ITGA9: variants seen among roughly 807,000 people sequenced by gnomAD.
ITGA9 encodes integrin subunit alpha 9, also known as integrin alpha-9.
A neutral mutation model predicts 127.8 loss-of-function variants in ITGA9; 56 were observed. The observed-to-expected ratio is 0.44, with a 90% CI of 0.35 to 0.55. The LOEUF is 0.55. ITGA9 is among the 20% of genes least tolerant of loss of function. ITGA9 has a pLI of 0.00. For missense variants in ITGA9, 1,196 were observed against 1,347.1 expected, an observed-to-expected ratio of 0.89 and a Z score of 1.76; for synonymous variants, 508 against 514.5, an observed-to-expected ratio of 0.99 and a Z score of 0.17.
chr3:37,770,532 C>T (rs1390019890), intron 23 of ITGA9, among the ~76,000 whole-genome samples: 2 of 152,158 alleles, frequency 1.3e-5, no homozygotes, highest in East Asian at 1.9e-4. Flanking sequence ...GCCATTTCCT[C>T]CAAGCCGTTT....
intron 18 of ITGA9, among the ~76,000 whole-genome samples, chr3:37,702,634 G>A (rs572198499): frequency 7.9e-5 from 12 of 152,226 alleles, no homozygotes; most frequent in South Asian, 2.1e-4. Flanking sequence ...AGAGAAAACC[G>A]TCAGGCAGGA....
Position 37,814,192 on chromosome 3 carries a change from T to A in ITGA9, c.3010-4699T>A, listed in dbSNP as rs1299605627. On this transcript the variant is annotated intron_variant, in intron 27 of 27. Transcript: ENST00000264741. The surrounding 1 kb of genome is among the most constrained non-coding windows in gnomAD (Gnocchi z 4.3). ...GGGAAAACAGAAAAAGCTGTCATGA[T>A]GTTTCAGGGCTGGAAGAGGTCTGAG... Among the ~76,000 whole-genome samples, 1 of 152,160 alleles carries A rather than the reference T, an allele frequency of 6.6e-6. No homozygotes were observed. Among genetic ancestry groups the A allele is most frequent in the African/African-American group, 2.4e-5 (1 of 41,438 alleles).
At chr3:37,517,991 G>A (rs1316510474) in intron 10 of ITGA9, among the ~76,000 whole-genome samples, 1 of 152,162 alleles carries the variant, frequency 6.6e-6, no homozygotes, top group Non-Finnish European at 1.5e-5. Flanking sequence ...GCTCCATCAT[G>A]CTCTACCATG....
At chr3:37,738,026 T>C (rs1425039919) in intron 20 of ITGA9, among the ~76,000 whole-genome samples, 1 of 152,232 alleles carries the variant, frequency 6.6e-6, no homozygotes, top group Non-Finnish European at 1.5e-5. Context: ...AAATTGAACA[T>C]TGACACTATG....
At chr3:37,727,219 C>T (rs1312141054) in intron 18 of ITGA9, among the ~76,000 whole-genome samples, 3 of 152,180 alleles carry the variant, frequency 2.0e-5, no homozygotes, top group East Asian at 3.8e-4. Context: ...ATTGTTTTTA[C>T]ACCATCAGAA....
intron 15 of ITGA9, among the ~76,000 whole-genome samples, chr3:37,552,376 A>T (rs1699386582): frequency 6.6e-6 from 1 of 152,094 alleles, no homozygotes; most frequent in Non-Finnish European, 1.5e-5. Context: ...CCAGCAAATT[A>T]TTATTTATTT....
Position 37,814,766 on chromosome 3 carries a change from T to A in ITGA9, c.3010-4125T>A, listed in dbSNP as rs563244426. 6.6e-6 allele frequency among the ~76,000 whole-genome samples: 1 copy of A among 152,304 alleles called. No individual in the cohort carries two copies. Among genetic ancestry groups the A allele is most frequent in the South Asian group, 2.1e-4 (1 of 4,824 alleles). ...TGTTGGAAAACAGTTATAATAAACT[T>A]ATACACATACATGATATCTGTGATG... On this transcript the variant is annotated intron_variant, in intron 27 of 27. Coordinates refer to ENST00000264741, the MANE Select transcript of ITGA9 (RefSeq NM_002207.3). This position sits in a 1 kb window ranked among gnomAD's most constrained non-coding sequence, Gnocchi z 4.3.
intron 5 of ITGA9, among the ~76,000 whole-genome samples, chr3:37,500,977 G>T (rs1698781875): frequency 6.6e-6 from 1 of 152,014 alleles, no homozygotes; most frequent in Non-Finnish European, 1.5e-5. Flanking sequence ...ATTTTAACCT[G>T]TTTGCATAGA....
chr3:37,718,686 A>G (rs1316543139), intron 18 of ITGA9, among the ~76,000 whole-genome samples: 4 of 152,156 alleles, frequency 2.6e-5, no homozygotes, highest in Non-Finnish European at 5.9e-5. Flanking sequence ...CCCACCAGAG[A>G]ATTTCAATGC....
At chr3:37,767,733 C>CT (rs1696795322) in intron 23 of ITGA9, among the ~76,000 whole-genome samples, 1 of 152,182 alleles carries the variant, frequency 6.6e-6, no homozygotes, top group Non-Finnish European at 1.5e-5. Flanking sequence ...CTTGGAACCA[C>CT]TAGCTACACA....
intron 23 of ITGA9, chr3:37,753,584 T>G (rs1020420187): frequency 2.0e-5 from 3 of 152,246 alleles, no homozygotes; most frequent in Admixed American, 6.5e-5. Flanking sequence ...GCCTAGCTCT[T>G]ATACAAATAG....
chr3:37,693,687 A>G (rs1251850816), intron 18 of ITGA9, among the ~76,000 whole-genome samples: 1 of 152,208 alleles, frequency 6.6e-6, no homozygotes, highest in Non-Finnish European at 1.5e-5. Context: ...AGAAGGTTCC[A>G]TACAGAAACT....
chr3:37,519,122 C>G (rs7637413), intron 10 of ITGA9, 138 bp from the exon 11 acceptor site: 11,502 of 676,122 alleles, frequency 0.017, 640 homozygotes, highest in African/African-American at 0.15. Context: ...GGGATCTTGT[C>G]CCCAAATTAA....
intron 18 of ITGA9, among the ~76,000 whole-genome samples, chr3:37,697,186 G>A (rs1396693456): frequency 2.6e-5 from 4 of 152,074 alleles, no homozygotes; most frequent in Admixed American, 6.6e-5. Context: ...CAGACTTGCT[G>A]TATTACCAAC....
chr3:37,570,312 C>T (rs780954563), intron 15 of ITGA9, among the ~76,000 whole-genome samples: 11 of 152,224 alleles, frequency 7.2e-5, no homozygotes, highest in African/African-American at 2.4e-4. Flanking sequence ...TCGTGAACTG[C>T]ATCTCAGCTG....
At chr3:37,532,474 C>T (rs1699161976) in intron 13 of ITGA9, among the ~76,000 whole-genome samples, 1 of 152,212 alleles carries the variant, frequency 6.6e-6, no homozygotes, top group Non-Finnish European at 1.5e-5. Flanking sequence ...GTGTGAAGGC[C>T]AGGGCTCCTT....
At chr3:37,464,525 CT>C (rs1284903125) in intron 1 of ITGA9, among the ~76,000 whole-genome samples, 5 of 152,160 alleles carry the variant, frequency 3.3e-5, no homozygotes, top group African/African-American at 1.2e-4. Context: ...CTTAGGTACA[CT>C]TTTATTCCTC....
Position 37,767,894 on chromosome 3 carries a change from G to A in ITGA9, c.2542-9498G>A, listed in dbSNP as rs10510693. On this transcript the variant is annotated intron_variant, in intron 23 of 27. Coordinates refer to ENST00000264741, the MANE Select transcript of ITGA9 (RefSeq NM_002207.3). ...CCTTCAAATGGGGTGATGCACACAC[G>A]AGTAGCATGAAATTAGCCATGTTCA... 3.1e-3 allele frequency among the ~76,000 whole-genome samples: 468 copies of A among 152,232 alleles called. 10 individuals carry two copies. In the East Asian group the frequency reaches 0.072, roughly 23 times the overall value.
chr3:37,453,649 T>TGAATACCA (rs1225166235), intron 1 of ITGA9, among the ~76,000 whole-genome samples: 1 of 152,142 alleles, frequency 6.6e-6, no homozygotes, highest in East Asian at 1.9e-4. Context: ...AGCCTGAGCG[T>TGAATACCA]CCTTAGGGGT....
Sources: gnomAD v4.1 joint callset for allele counts (sites outside exome capture counted in the v4.1 genomes callset) on GRCh38, gnomAD v4.1.1 for gene constraint, Gnocchi (gnomAD v3.1) non-coding constraint, MANE v1.5 for transcripts, NCBI Gene and HGNC (gene_info 2026-07-23, HGNC 2026-07-21) for gene names.